The following PLXNA1 variants were observed in gnomAD, a reference collection of about 807,000 sequenced individuals.
PLXNA1 encodes the protein plexin-A1.
A neutral mutation model predicts 191.7 loss-of-function variants in PLXNA1; 77 were observed. The ratio of observed to expected loss-of-function variants is 0.40; its 90% confidence interval spans 0.33 to 0.49. PLXNA1 has a LOEUF of 0.49. PLXNA1 is among the 20% of genes least tolerant of loss of function. PLXNA1 has a pLI of 0.63. For synonymous variants in PLXNA1, 1,137 were observed against 1,156.4 expected (o/e 0.98, Z 0.34); for missense variants, 2,110 against 2,660.2 (o/e 0.79, Z 4.55).
chr3:127,028,863 G>T, intron 25 of PLXNA1, 130 bp from the exon 26 acceptor site: 1 of 647,476 alleles, frequency 1.5e-6, no homozygotes. Flanking sequence ...GCTGCAGCAG[G>T]GGCGGAGGTA....
At position 127,022,747 on chromosome 3, in the gene PLXNA1, C is replaced by T. The variant is rs1287666456; in HGVS notation, c.4296-5C>T. The T allele has an allele frequency of 6.2e-7, 1 of 1,613,744 alleles. No individual in the cohort carries two copies. Among genetic ancestry groups the T allele is most frequent in the African/African-American group, 1.3e-5 (1 of 75,066 alleles). On this transcript the variant is annotated splice_polypyrimidine_tract_variant and splice_region_variant and intron_variant, in intron 22 of 31. Coordinates refer to ENST00000393409, the MANE Select transcript of PLXNA1 (RefSeq NM_032242.4). ...ACCACTCTGCCCATATTCTGTGCTC[C>T]CCAGGACTGAGTCGGTGGCAGAGAA...
rs148542864 is a variant in PLXNA1, at chr3:127,025,270, C to T, written c.4362+2452C>T. 3.6e-4 allele frequency among the ~76,000 whole-genome samples: 55 copies of T among 152,342 alleles called. No individual in the cohort carries two copies. In the East Asian group the frequency reaches 0.01, roughly 28 times the overall value. Reference sequence around the variant, plus strand: ...CCTTGGCACCCGTTGATCTCATTGTCTCCATAAGTTATGCCTTTTCCAGAT... The same window carrying T: ...CCTTGGCACCCGTTGATCTCATTGTTTCCATAAGTTATGCCTTTTCCAGAT... On this transcript the variant is annotated intron_variant, in intron 23 of 31. Coordinates refer to ENST00000393409, the MANE Select transcript of PLXNA1 (RefSeq NM_032242.4).
chr3:126,989,646 A>G lies in PLXNA1; in HGVS notation c.1053A>G (p.Pro351=), dbSNP rs1213903866. 6 of 1,612,980 alleles carry G rather than the reference A, an allele frequency of 3.7e-6. No homozygotes were observed. The highest frequency in any genetic ancestry group is 1.1e-5 in the South Asian group (1 of 91,088). The change falls in exon 2 of 32, where the codon CCA becomes CCG. Residue 351 remains proline (P), a synonymous_variant. Coordinates refer to ENST00000393409, the MANE Select transcript of PLXNA1 (RefSeq NM_032242.4). ...AGGGCCAGAAGAACCGCGTGAAGCC[A>G]CCAAAGGAGTCAGCACTGTGCCTGT... ...FAQGQKNRVK[P]PKESALCLFT...
At chr3:126,995,448 C>T (rs1247463255) in intron 3 of PLXNA1, among the ~76,000 whole-genome samples, 1 of 152,262 alleles carries the variant, frequency 6.6e-6, no homozygotes, top group African/African-American at 2.4e-5. Flanking sequence ...GTGCTGTCCC[C>T]CTACAGAGGA....
At chr3:126,988,251 C>G (rs2078969277) in intron 1 of PLXNA1, among the ~76,000 whole-genome samples, 1 of 152,190 alleles carries the variant, frequency 6.6e-6, no homozygotes, top group Admixed American at 6.5e-5. Flanking sequence ...CCTTCCTGTT[C>G]CTGGCCTCCG....
At chr3:127,015,560 G>A (rs1481134397) in intron 15 of PLXNA1, among the ~76,000 whole-genome samples, 13 of 152,232 alleles carry the variant, frequency 8.5e-5, no homozygotes, top group Non-Finnish European at 1.3e-4. Flanking sequence ...CTCTGCCCTG[G>A]TTCTTCCCTG....
intron 3 of PLXNA1, among the ~76,000 whole-genome samples, chr3:126,994,294 T>C (rs77476065): frequency 0.014 from 2,087 of 152,250 alleles, 49 homozygotes; most frequent in African/African-American, 0.045. Flanking sequence ...CTCCCACCTG[T>C]GTTACAGTCC....
At position 127,030,099 on chromosome 3, in the gene PLXNA1, T is replaced by C. The variant is rs769778521; in HGVS notation, c.5061+35T>C. 11 of 1,603,510 alleles carry C rather than the reference T, an allele frequency of 6.9e-6. No homozygotes were observed. In the South Asian group the frequency reaches 1.2e-4, roughly 18 times the overall value. The stretch of plus-strand genomic sequence containing the variant: ...GCTGGCAGATGGGGGCAGGGGACGC[T>C]GGGCCAACTGAGCTCAGAGAAAGTG... On this transcript the variant is annotated intron_variant, in intron 28 of 31. Transcript: ENST00000393409.
At position 126,989,707 on chromosome 3, in the gene PLXNA1, C is replaced by T. The variant is rs1330646450; in HGVS notation, c.1114C>T (p.Arg372Cys). Residue 372 changes from arginine (R) to cysteine (C), a missense_variant, in exon 2 of 32, where the codon CGC becomes TGC. By Grantham distance (180) the Arg-to-Cys change is radical. Coordinates refer to ENST00000393409, the MANE Select transcript of PLXNA1 (RefSeq NM_032242.4). ...LRAIKEKIKE[R>C]IQSCYRGEGK... The stretch of plus-strand genomic sequence containing the variant: ...GGCCATCAAGGAGAAGATTAAGGAG[C>T]GCATCCAGTCCTGCTACCGTGGTGA... The T allele has an allele frequency of 4.3e-6, 7 of 1,613,092 alleles. No homozygotes were observed. Among genetic ancestry groups the T allele is most frequent in the Admixed American group, 1.7e-5 (1 of 60,028 alleles).
At chr3:127,000,310 G>A (rs965165662) in intron 3 of PLXNA1, among the ~76,000 whole-genome samples, 1 of 152,156 alleles carries the variant, frequency 6.6e-6, no homozygotes, top group African/African-American at 2.4e-5. Flanking sequence ...CATTTGCTCT[G>A]CCAGCTGCCC....
chr3:127,013,578 T>C (rs1395064407), intron 10 of PLXNA1, among the ~76,000 whole-genome samples: 1 of 152,202 alleles, frequency 6.6e-6, no homozygotes, highest in East Asian at 1.9e-4. Context: ...ATTTTGCCTG[T>C]CTCTGCCCCA....
rs1171821621 is a variant in PLXNA1 at position 127,028,222 on chromosome 3, G to A, written c.4551G>A (p.Glu1517=). ...ACCCTGAGAATGAGAATGCACCTGAGGTGCCGGTGAAGGGGCTGGACTGTG... is the reference window on the plus strand; with the variant it reads ...ACCCTGAGAATGAGAATGCACCTGAAGTGCCGGTGAAGGGGCTGGACTGTG... The part of the protein sequence containing the change: ...CVNPENENAP[E]VPVKGLDCDT... The change falls in exon 25 of 32, where the codon GAG becomes GAA. Residue 1517 remains glutamate, a synonymous_variant. Coordinates refer to ENST00000393409, the MANE Select transcript of PLXNA1 (RefSeq NM_032242.4). 3.1e-6 allele frequency: 5 copies of A among 1,613,186 alleles called. No individual in the cohort carries two copies. Among genetic ancestry groups the A allele is most frequent in the Non-Finnish European group, 3.4e-6 (4 of 1,179,994 alleles).
At position 127,027,777 on chromosome 3, in the gene PLXNA1, G is replaced by T. The variant is rs187778973; in HGVS notation, c.4363-163G>T. ...GTTTCCTGATTTTCTTGCAGTCTCT[G>T]CTGGGCTTTGGGACTAAGGCTGTAC... On this transcript the variant is annotated intron_variant, in intron 23 of 31. Transcript: ENST00000393409. 6.7e-6 allele frequency: 6 copies of T among 893,802 alleles called. No homozygotes were observed. In the Admixed American group the frequency reaches 1.2e-4, roughly 18 times the overall value. The allele number at this position is 893,802 out of a possible 1,614,324, so 55.4% of individuals were successfully genotyped here.
rs1475607934 is a variant in PLXNA1 at position 127,029,013 on chromosome 3, G to A, written c.4690G>A (p.Ala1564Thr). Residue 1564 changes from alanine to threonine, a missense_variant, in exon 26 of 32, where the codon GCG becomes ACG. Coordinates refer to ENST00000393409, the MANE Select transcript of PLXNA1 (RefSeq NM_032242.4). Reference sequence around the variant, plus strand: ...CCCAGAGTGGCGCCAGGGCCGCATGGCGCGCATCATCCTGCAGGACGAGGA... The same window carrying A: ...CCCAGAGTGGCGCCAGGGCCGCATGACGCGCATCATCCTGCAGGACGAGGA... ...MDLEWRQGRM[A>T]RIILQDEDVT... 1 of 1,613,208 alleles carries A rather than the reference G, an allele frequency of 6.2e-7. No individual in the cohort carries two copies. Among genetic ancestry groups the A allele is most frequent in the Non-Finnish European group, 8.5e-7 (1 of 1,179,904 alleles).
At position 127,030,279 on chromosome 3, in the gene PLXNA1, A is replaced by G. The variant is rs1576692711; in HGVS notation, c.5098A>G (p.Thr1700Ala). The change falls in exon 29 of 32, where the codon ACC becomes GCC. Residue 1700 changes from threonine (T) to alanine (A), a missense_variant. By Grantham distance (58) the Thr-to-Ala change is moderately conservative. Around this residue, in one of 4 missense-constraint regions of PLXNA1, gnomAD observed 559 missense variants for 911.5 expected, o/e 0.61. Transcript: ENST00000393409. ...GAAGTTTGTGGACGACCTGTTTGAG[A>G]CCATCTTCAGCACGGCACACCGGGG... ...LQKFVDDLFETIFSTAHRGSA... is the reference protein window; with the variant it reads ...LQKFVDDLFEAIFSTAHRGSA... 3 of 1,613,664 alleles carry G rather than the reference A, an allele frequency of 1.9e-6. No individual in the cohort carries two copies.
chr3:127,017,813 C>T lies in PLXNA1; in HGVS notation c.3581C>T (p.Ser1194Phe). The T allele has an allele frequency of 6.2e-7, 1 of 1,613,160 alleles. No homozygotes were observed. The highest frequency in any genetic ancestry group is 8.5e-7 in the Non-Finnish European group (1 of 1,180,016). Residue 1194 changes from serine to phenylalanine, a missense_variant, in exon 19 of 32, where the codon TCC becomes TTC. By Grantham distance (155) the Ser-to-Phe change is radical (BLOSUM62 -2). This residue lies in a region of PLXNA1 where 644 missense variants were observed against 714.3 expected (regional missense o/e 0.90). Coordinates refer to ENST00000393409, the MANE Select transcript of PLXNA1 (RefSeq NM_032242.4). ...SRLNYTVLIG[S>F]TPCTLTVSET... ...CTCAACTACACGGTGCTCATCGGCT[C>T]CACACCCTGTACCCTCACCGTGTCG...
At chr3:127,011,843 A>G in intron 9 of PLXNA1, 115 bp from the exon 10 acceptor site, 1 of 965,974 alleles carries the variant, frequency 1.0e-6, no homozygotes, top group Non-Finnish European at 1.6e-6. Context: ...TAAAATGGGC[A>G]CATTGGTGCT....
chr3:127,007,989 C>A, intron 9 of PLXNA1, 76 bp downstream of exon 9: 2 of 957,288 alleles, frequency 2.1e-6, no homozygotes, highest in South Asian at 1.6e-5. Flanking sequence ...ATCTGGGTGT[C>A]GCCTGAGGCC....
In PLXNA1 at chr3:127,020,257, C is replaced by A; in HGVS notation, c.3951C>A (p.Ala1317=). ...AGCTGACCAATGACCTGGACGGTGC[C>A]GGCATCCCCTTCCTTGACTACCGGA... The part of the protein sequence containing the change: ...IHELTNDLDG[A]GIPFLDYRTY... Residue 1317 remains alanine (A), a synonymous_variant, in exon 21 of 32, where the codon GCC becomes GCA. Coordinates refer to ENST00000393409, the MANE Select transcript of PLXNA1 (RefSeq NM_032242.4). 1.2e-6 allele frequency: 2 copies of A among 1,613,206 alleles called. No homozygotes were observed.
Sources: gnomAD v4.1 joint callset for allele counts (sites outside exome capture counted in the v4.1 genomes callset) on GRCh38, gnomAD v4.1.1 for gene constraint, gnomAD v4.1.1 regional missense constraint, MANE v1.5 for transcripts, NCBI Gene and HGNC (gene_info 2026-07-23, HGNC 2026-07-21) for gene names.